Variants in PANK3 observed in about 807,000 individuals in gnomAD.
The protein encoded by PANK3 is hPanK3.
In PANK3, 20 loss-of-function variants were observed where a neutral mutation model predicts 39.4. The ratio of observed to expected loss-of-function variants is 0.51; its 90% CI spans 0.36 to 0.74. The LOEUF (loss-of-function observed/expected upper bound fraction) is 0.74, where lower values mean the gene tolerates loss of function less well. Ranked by LOEUF, PANK3 falls within the 30% of genes least tolerant of loss-of-function variation. PANK3 has a pLI of 0.00. For missense variants in PANK3, 265 were observed against 437.0 expected (o/e 0.61, Z 3.51); for synonymous variants, 140 against 157.3 (o/e 0.89, Z 0.82).
chr5:168,557,626 G>A lies in PANK3; in HGVS notation c.1063-5C>T. 6.2e-7 allele frequency: 1 copy of A among 1,611,898 alleles called. No individual in the cohort carries two copies. Among genetic ancestry groups the A allele is most frequent in the Non-Finnish European group, 8.5e-7 (1 of 1,179,044 alleles). On this transcript the variant is annotated splice_region_variant and splice_polypyrimidine_tract_variant and intron_variant, in intron 6 of 6. Coordinates refer to ENST00000239231, the MANE Select transcript of PANK3 (RefSeq NM_024594.4). ...ACCAACTGCTCCAAAGTAACCCTGT[G>A]TAATTTAAAAATAACTGTTATGTAG...
chr5:168,570,416 G>GAA (rs966538644), intron 1 of PANK3, among the ~76,000 whole-genome samples: 1 of 149,826 alleles, frequency 6.7e-6, no homozygotes, highest in African/African-American at 2.4e-5. Context: ...AAGAAAGAAA[G>GAA]AAAGAAAATC....
rs57664567 is a variant in PANK3 at position 168,565,885 on chromosome 5, AT to A, written c.635+127del. On this transcript the variant is annotated intron_variant, in intron 3 of 6. Transcript: ENST00000239231. ...AAAAAAAAAATATATATATATATAT[AT>A]TTTTTTTTTTTGCTGTTGTGCAAAT... 8.4e-3 allele frequency: 1,627 copies of A among 193,988 alleles called. 5 individuals carry two copies. Among genetic ancestry groups the A allele is most frequent in the Middle Eastern group, 0.025 (10 of 408 alleles). The allele number at this position is 193,988 out of a possible 1,614,324, so 12.0% of individuals were successfully genotyped here.
chr5:168,568,126 C>T (rs1476477556), intron 2 of PANK3, among the ~76,000 whole-genome samples: 1 of 152,024 alleles, frequency 6.6e-6, no homozygotes, highest in African/African-American at 2.4e-5. Flanking sequence ...ATTCAAATCA[C>T]CCCATTTGAC....
chr5:168,568,726 C>T lies in PANK3; in HGVS notation c.301G>A (p.Asp101Asn). The change falls in exon 2 of 7, where the codon GAT becomes AAT. Residue 101 changes from aspartate to asparagine, a missense_variant. Around this residue, in one of 3 missense-constraint regions of PANK3, gnomAD observed 154 missense variants for 256.8 expected, o/e 0.60. Coordinates refer to ENST00000239231, the MANE Select transcript of PANK3 (RefSeq NM_024594.4). ...DLPTFIQMGRDKNFSTLQTVL... is the reference protein window; with the variant it reads ...DLPTFIQMGRNKNFSTLQTVL... ...GTCTGCAATGTTGAGAAGTTTTTAT[C>T]TCTTCCCATTTGGATAAAAGTAGGC... 1 of 1,614,128 alleles carries T rather than the reference C, an allele frequency of 6.2e-7. No individual in the cohort carries two copies. The highest frequency in any genetic ancestry group is 8.5e-7 in the Non-Finnish European group (1 of 1,180,022).
In PANK3 at chr5:168,550,044, G is replaced by A. The variant is rs927376758; in HGVS notation, c.*7527C>T. The A allele has an allele frequency of 1.1e-4, 16 of 152,258 alleles. No homozygotes were observed. The highest frequency in any genetic ancestry group is 3.4e-4 in the African/African-American group (14 of 41,546). 9.4% of individuals were successfully genotyped at this position (152,258 alleles called of 1,614,324 possible). A position where few individuals can be genotyped will look rare whatever the true frequency, so the allele number is the denominator to read the frequency against. ...CAAATATATGTAACACAAACAGTCC[G>A]ACTTAACAATGGTTTGACTTATGGT... On this transcript the variant is annotated 3_prime_UTR_variant, in exon 7 of 7. Coordinates refer to ENST00000239231, the MANE Select transcript of PANK3 (RefSeq NM_024594.4).
At chr5:168,566,441 G>C (rs895659844) in intron 2 of PANK3, among the ~76,000 whole-genome samples, 175 bp from the exon 3 acceptor site, 2 of 152,166 alleles carry the variant, frequency 1.3e-5, no homozygotes, top group Non-Finnish European at 2.9e-5. Context: ...TCCTCAGTGA[G>C]GGTGGTATCA....
At chr5:168,576,521 A>G (rs1043618820) in intron 1 of PANK3, among the ~76,000 whole-genome samples, 4 of 152,226 alleles carry the variant, frequency 2.6e-5, no homozygotes, top group Non-Finnish European at 5.9e-5. Flanking sequence ...TTCAAATGCT[A>G]ATCTTCCAGT....
rs1203419986 is a variant in PANK3 at position 168,551,711 on chromosome 5, AAC to A, written c.*5858_*5859del. 1.3e-5 allele frequency: 2 copies of A among 152,192 alleles called. No individual in the cohort carries two copies. Among genetic ancestry groups the A allele is most frequent in the Non-Finnish European group, 1.5e-5 (1 of 68,032 alleles). 9.4% of individuals were successfully genotyped at this position (152,192 alleles called of 1,614,324 possible). ...TGTGCTGCATCATTCTGCTTATAGA[AAC>A]AGTCTTTAAGGGACTGGTATTTACA... On this transcript the variant is annotated 3_prime_UTR_variant, in exon 7 of 7. Coordinates refer to ENST00000239231, the MANE Select transcript of PANK3 (RefSeq NM_024594.4).
intron 2 of PANK3, among the ~76,000 whole-genome samples, chr5:168,566,545 G>A (rs1486801949): frequency 2.6e-5 from 4 of 152,106 alleles, no homozygotes; most frequent in Admixed American, 2.6e-4. Context: ...TCTTTAATGG[G>A]TGTGACATTT....
rs1205769411 is a variant in PANK3, at chr5:168,553,678, A to G, written c.*3893T>C. On this transcript the variant is annotated 3_prime_UTR_variant, in exon 7 of 7. Transcript: ENST00000239231. ...AAGAGGTGGGGTGACCTGGGTCCCC[A>G]TGGCCCTTATCTAATTCTTTTCAAA... 1 of 161,354 alleles carries G rather than the reference A, an allele frequency of 6.2e-6. No homozygotes were observed. The highest frequency in any genetic ancestry group is 2.1e-4 in the East Asian group (1 of 4,688). The allele number at this position is 161,354 out of a possible 1,614,324, so 10.0% of individuals were successfully genotyped here. A position where few individuals can be genotyped will look rare whatever the true frequency, so the allele number is the denominator to read the frequency against.
intron 1 of PANK3, among the ~76,000 whole-genome samples, chr5:168,570,684 A>T (rs907872371): frequency 2.6e-5 from 4 of 152,204 alleles, no homozygotes; most frequent in Admixed American, 6.5e-5. Context: ...AACTAGAAAA[A>T]GGGGGAAGTC....
intron 6 of PANK3, among the ~76,000 whole-genome samples, chr5:168,558,499 ATC>A (rs1759389808): frequency 6.6e-6 from 1 of 152,122 alleles, no homozygotes. Context: ...AATAATTTGA[ATC>A]TCTGTTACTA....
intron 1 of PANK3, among the ~76,000 whole-genome samples, chr5:168,578,002 G>A (rs1759754821): frequency 6.6e-6 from 1 of 152,162 alleles, no homozygotes; most frequent in African/African-American, 2.4e-5. Flanking sequence ...GAACAACTAT[G>A]ACAGGATCTA....
rs566056168 is a variant in PANK3, at chr5:168,552,865, T to C, written c.*4706A>G. 6.2e-5 allele frequency: 12 copies of C among 194,654 alleles called. No homozygotes were observed. Among genetic ancestry groups the C allele is most frequent in the East Asian group, 4.8e-4 (3 of 6,284 alleles). The allele number at this position is 194,654 out of a possible 1,614,324, so 12.1% of individuals were successfully genotyped here. A position where few individuals can be genotyped will look rare whatever the true frequency, so the allele number is the denominator to read the frequency against. On this transcript the variant is annotated 3_prime_UTR_variant, in exon 7 of 7. Transcript: ENST00000239231. The stretch of plus-strand genomic sequence containing the variant: ...ATCCTTGAAGATTCTCATTGAGTAA[T>C]AGAAGACAACATTGATTCCAGAGAG...
At position 168,556,160 on chromosome 5, in the gene PANK3, T is replaced by C. The variant is rs189538349; in HGVS notation, c.*1411A>G. On this transcript the variant is annotated 3_prime_UTR_variant, in exon 7 of 7. Coordinates refer to ENST00000239231, the MANE Select transcript of PANK3 (RefSeq NM_024594.4). ...CCACTCCAGATTCAGGCAAGGGGAA[T>C]AGGAAAGAAAGTGCGAGATAAGAGC... 2.0e-5 allele frequency: 3 copies of C among 152,264 alleles called. No individual in the cohort carries two copies. Among genetic ancestry groups the C allele is most frequent in the Admixed American group, 6.5e-5 (1 of 15,300 alleles). The allele number at this position is 152,264 out of a possible 1,614,324, so 9.4% of individuals were successfully genotyped here. A position where few individuals can be genotyped will look rare whatever the true frequency, so the allele number is the denominator to read the frequency against.
rs950199527 is a variant in PANK3, at chr5:168,553,325, C to T, written c.*4246G>A. On this transcript the variant is annotated 3_prime_UTR_variant, in exon 7 of 7. Coordinates refer to ENST00000239231, the MANE Select transcript of PANK3 (RefSeq NM_024594.4). ...ATGGGCACAAAACTTGTGCAGAGTC[C>T]GCATTACAAGCCAGTAATCTAGTGG... 6 of 525,154 alleles carry T rather than the reference C, an allele frequency of 1.1e-5. No homozygotes were observed. Among genetic ancestry groups the T allele is most frequent in the South Asian group, 2.9e-5 (2 of 68,438 alleles). 32.5% of individuals were successfully genotyped at this position (525,154 alleles called of 1,614,324 possible). A position where few individuals can be genotyped will look rare whatever the true frequency, so the allele number is the denominator to read the frequency against.
chr5:168,557,771 A>G, intron 6 of PANK3, 150 bp from the exon 7 acceptor site: 1 of 575,610 alleles, frequency 1.7e-6, no homozygotes, highest in Admixed American at 3.6e-5. Flanking sequence ...ATTATAAAAA[A>G]TTTTCTGAAT....
chr5:168,565,864 AAAAAATATATATATAT>A (rs1219039616), intron 3 of PANK3, 133 bp downstream of exon 3: 1 of 148,652 alleles, frequency 6.7e-6, no homozygotes, highest in Non-Finnish European at 1.1e-5. Flanking sequence ...ACTTAAAAAA[AAAAAATATATATATAT>A]ATATATTTTT....
intron 2 of PANK3, 94 bp from the exon 3 acceptor site, chr5:168,566,360 G>C: frequency 7.5e-7 from 1 of 1,332,234 alleles, no homozygotes; most frequent in Non-Finnish European, 1.0e-6. Context: ...AATTAAAAAT[G>C]GTCTATGACC....
Sources: allele counts gnomAD v4.1 joint callset (sites outside exome capture counted in the v4.1 genomes callset), GRCh38; gene constraint gnomAD v4.1.1; regional missense constraint gnomAD v4.1.1; transcripts MANE v1.5; gene names NCBI Gene and HGNC (gene_info 2026-07-23, HGNC 2026-07-21).